The following SLC9A2 variants were observed in gnomAD, a reference collection of about 807,000 sequenced individuals.
SLC9A2 encodes the protein solute carrier family 9 member A2.
A neutral mutation model predicts 71.7 loss-of-function variants in SLC9A2; 42 were observed. The observed-to-expected ratio is 0.59, with a 90% CI of 0.46 to 0.76. SLC9A2 has a LOEUF of 0.76. Ranked by LOEUF, SLC9A2 falls within the 30% of genes least tolerant of loss-of-function variation. The probability of loss-of-function intolerance (pLI) is 0.00; values close to 1 mark genes in which losing one functional copy is unlikely to be tolerated. For missense variants in SLC9A2, 829 were observed against 1,017.4 expected (o/e 0.81, Z 2.52); for synonymous variants, 396 against 392.5 (o/e 1.01, Z -0.10).
At chr2:102,702,297 T>C in intron 8 of SLC9A2, 109 bp from the exon 9 acceptor site, 1 of 634,108 alleles carries the variant, frequency 1.6e-6, no homozygotes, top group Non-Finnish European at 2.8e-6. Flanking sequence ...CCCTAAGTGC[T>C]ATTTTTACAA....
chr2:102,708,015 G>A (rs766897420), intron 11 of SLC9A2, 104 bp from the exon 12 acceptor site: 17 of 1,261,652 alleles, frequency 1.3e-5, no homozygotes, highest in Non-Finnish European at 1.9e-5. Flanking sequence ...CCTCTCCCCA[G>A]AGCCCCAGGA....
At chr2:102,669,133 A>G (rs186548713) in intron 3 of SLC9A2, among the ~76,000 whole-genome samples, 20 of 152,342 alleles carry the variant, frequency 1.3e-4, no homozygotes, top group African/African-American at 3.8e-4. Flanking sequence ...TAATTTTATC[A>G]TAAGACTGAG....
chr2:102,646,128 A>G (rs1676719406), intron 1 of SLC9A2, among the ~76,000 whole-genome samples: 2 of 152,186 alleles, frequency 1.3e-5, no homozygotes, highest in Admixed American at 1.3e-4. Flanking sequence ...TACAAGCCAG[A>G]AGAGTGGGGA....
intron 1 of SLC9A2, among the ~76,000 whole-genome samples, chr2:102,650,476 G>C (rs2104514683): frequency 6.6e-6 from 1 of 152,128 alleles, no homozygotes; most frequent in Non-Finnish European, 1.5e-5. Context: ...ATGTATCCCG[G>C]AAATTAAAGT....
Position 102,701,211 on chromosome 2 carries a change from C to A in SLC9A2, c.1728C>A (p.Val576=), listed in dbSNP as rs1169662859. ...EMAETGMIST[V]PTFASLNDCR... The stretch of plus-strand genomic sequence containing the variant: ...CAGAGACTGGGATGATAAGTACTGT[C>A]CCTACATTTGCATCTCTAAAGTAAG... The change falls in exon 8 of 12, where the codon GTC becomes GTA. Residue 576 remains valine, a synonymous_variant. Transcript: ENST00000233969. 1.2e-6 allele frequency: 2 copies of A among 1,601,736 alleles called. No homozygotes were observed. Among genetic ancestry groups the A allele is most frequent in the African/African-American group, 1.3e-5 (1 of 74,218 alleles).
rs995396885 is a variant in SLC9A2 at position 102,711,331 on chromosome 2, ATTATCCGCTGAGGC to A, written c.*2845_*2858del. Reference sequence around the variant, plus strand: ...TTGTCCGGATGAAGCAGCTGTTGGCATTATCCGCTGAGGCTTGAACACCACGTGCTGATTCTCTC... The same window carrying A: ...TTGTCCGGATGAAGCAGCTGTTGGCATTGAACACCACGTGCTGATTCTCTC... On this transcript the variant is annotated 3_prime_UTR_variant, in exon 12 of 12. Transcript: ENST00000233969. 17 of 152,490 alleles carry A rather than the reference ATTATCCGCTGAGGC, an allele frequency of 1.1e-4. No individual in the cohort carries two copies. Among genetic ancestry groups the A allele is most frequent in the African/African-American group, 3.6e-4 (15 of 41,580 alleles). 9.4% of individuals were successfully genotyped at this position (152,490 alleles called of 1,614,324 possible). A position where few individuals can be genotyped will look rare whatever the true frequency, so the allele number is the denominator to read the frequency against.
rs545075561 is a variant in SLC9A2 at position 102,654,048 on chromosome 2, G to A, written c.290-3516G>A. Among the ~76,000 whole-genome samples the A allele has an allele frequency of 2.4e-4, 36 of 152,268 alleles. 1 individual carries two copies. The South Asian group carries it at 2.9e-3, about 12-fold the overall frequency. On this transcript the variant is annotated intron_variant, in intron 1 of 11. Transcript: ENST00000233969. Reference sequence around the variant, plus strand: ...CTTTCCACAATCACAGGCAGAGAGCGGGAGGGCTGGGTTTCAAGTAAGGGG... The same window carrying A: ...CTTTCCACAATCACAGGCAGAGAGCAGGAGGGCTGGGTTTCAAGTAAGGGG...
At chr2:102,693,445 T>C (rs1459696766) in intron 5 of SLC9A2, among the ~76,000 whole-genome samples, 1 of 152,250 alleles carries the variant, frequency 6.6e-6, no homozygotes, top group East Asian at 1.9e-4. Context: ...TAATGTTTCA[T>C]TTTTAAGTGA....
chr2:102,639,913 C>G (rs1676541377), intron 1 of SLC9A2, among the ~76,000 whole-genome samples: 1 of 152,172 alleles, frequency 6.6e-6, no homozygotes, highest in African/African-American at 2.4e-5. Context: ...GTAATAAAAG[C>G]ATAAACCTCC....
chr2:102,663,912 A>T (rs552669212), intron 2 of SLC9A2, among the ~76,000 whole-genome samples: 1 of 152,300 alleles, frequency 6.6e-6, no homozygotes, highest in East Asian at 1.9e-4. Flanking sequence ...ACAAGTTGAA[A>T]GCATATTGTC....
intron 1 of SLC9A2, among the ~76,000 whole-genome samples, chr2:102,657,199 C>G (rs1396640323): frequency 6.8e-6 from 1 of 147,354 alleles, no homozygotes; most frequent in Non-Finnish European, 1.5e-5. Flanking sequence ...GAGCAAGACT[C>G]CATCTCAAAA....
At chr2:102,680,594 G>A (rs1001363670) in intron 3 of SLC9A2, among the ~76,000 whole-genome samples, 36 of 152,032 alleles carry the variant, frequency 2.4e-4, no homozygotes, top group African/African-American at 8.5e-4. Context: ...ATGCTCATCC[G>A]GGCCATGCAC....
chr2:102,694,897 C>T, intron 6 of SLC9A2, 146 bp from the exon 7 acceptor site: 1 of 647,806 alleles, frequency 1.5e-6, no homozygotes, highest in South Asian at 2.1e-5. Flanking sequence ...TGAAAATGAA[C>T]TGTTTTATTG....
At position 102,698,681 on chromosome 2, in the gene SLC9A2, G is replaced by A. The variant is rs140280338; in HGVS notation, c.1587-2389G>A. On this transcript the variant is annotated intron_variant, in intron 7 of 11. Transcript: ENST00000233969. Reference sequence around the variant, plus strand: ...CCATGTGACAGTCACCTTTGTCCTCGGACTAAGGAGCCACTCTGCATATCC... The same window carrying A: ...CCATGTGACAGTCACCTTTGTCCTCAGACTAAGGAGCCACTCTGCATATCC... 5.3e-5 allele frequency among the ~76,000 whole-genome samples: 8 copies of A among 152,246 alleles called. No homozygotes were observed. The East Asian group carries it at 1.2e-3, about 22-fold the overall frequency.
chr2:102,709,117 C>T lies in SLC9A2; in HGVS notation c.*628C>T. ...TGACTCCTGCAGTGCAGATTGGAGGCCCCAGAACTCCTATGAACTACTGAG... is the reference window on the plus strand; with the variant it reads ...TGACTCCTGCAGTGCAGATTGGAGGTCCCAGAACTCCTATGAACTACTGAG... On this transcript the variant is annotated 3_prime_UTR_variant, in exon 12 of 12. Coordinates refer to ENST00000233969, the MANE Select transcript of SLC9A2 (RefSeq NM_003048.6). 6.6e-6 allele frequency: 1 copy of T among 152,550 alleles called. No individual in the cohort carries two copies. The highest frequency in any genetic ancestry group is 3.2e-3 in the Middle Eastern group (1 of 316). 9.4% of individuals were successfully genotyped at this position (152,550 alleles called of 1,614,324 possible).
intron 6 of SLC9A2, 82 bp downstream of exon 6, chr2:102,694,585 C>T: frequency 1.6e-6 from 1 of 611,116 alleles, no homozygotes; most frequent in East Asian, 3.1e-5. Context: ...CCACGTTGTC[C>T]ATTTCCTGAA....
chr2:102,654,758 T>TGGTA (rs1676906202), intron 1 of SLC9A2, among the ~76,000 whole-genome samples: 2 of 152,214 alleles, frequency 1.3e-5, no homozygotes, highest in Non-Finnish European at 2.9e-5. Context: ...CAAACCTAGG[T>TGGTA]GGTACAGCTT....
chr2:102,702,543 G>T (rs1175706585), intron 9 of SLC9A2, 41 bp downstream of exon 9: 1 of 1,225,788 alleles, frequency 8.2e-7, no homozygotes, highest in East Asian at 2.4e-5. Flanking sequence ...CTTACCTTTG[G>T]CTAACAGGAT....
intron 11 of SLC9A2, among the ~76,000 whole-genome samples, chr2:102,707,071 A>C (rs34986119): frequency 0.76 from 116,147 of 151,910 alleles, 44,400 homozygotes; most frequent in Admixed American, 0.79. Flanking sequence ...AAGGCGGGAA[A>C]AATAAACACT....
Sources: allele counts gnomAD v4.1 joint callset (sites outside exome capture counted in the v4.1 genomes callset), GRCh38; gene constraint gnomAD v4.1.1; transcripts MANE v1.5; gene names NCBI Gene and HGNC (gene_info 2026-07-23, HGNC 2026-07-21).